Variants in ADAMTSL3 observed in about 807,000 individuals in gnomAD.
The protein encoded by ADAMTSL3 is ADAMTS-like protein 3.
In ADAMTSL3, 128 loss-of-function variants were observed where a neutral mutation model predicts 201.7. The observed-to-expected ratio is 0.63, with a 90% CI of 0.55 to 0.73. The LOEUF is 0.73. ADAMTSL3 is among the 30% of genes least tolerant of loss of function. The pLI is 0.00. For missense variants in ADAMTSL3, 1,990 were observed against 2,119.6 expected (o/e 0.94, Z 1.20); for synonymous variants, 738 against 748.4 (o/e 0.99, Z 0.23).
At chr15:83,859,993 T>A (rs72746980) in intron 8 of ADAMTSL3, among the ~76,000 whole-genome samples, 15,583 of 151,692 alleles carry the variant, frequency 0.1, 1,020 homozygotes, top group East Asian at 0.34. Flanking sequence ...GAAGACCCCA[T>A]CTCTACGAAA....
chr15:83,905,142 G>A (rs749813139), intron 15 of ADAMTSL3, among the ~76,000 whole-genome samples: 1 of 152,190 alleles, frequency 6.6e-6, no homozygotes, highest in Non-Finnish European at 1.5e-5. Flanking sequence ...TCTATGGCAC[G>A]TAAGACTAGA....
intron 17 of ADAMTSL3, among the ~76,000 whole-genome samples, chr15:83,935,243 T>TA (rs574807511): frequency 6.8e-4 from 104 of 152,170 alleles, no homozygotes; most frequent in African/African-American, 2.4e-3. Flanking sequence ...ACTTTTTAAG[T>TA]AAAAAAATAG....
chr15:83,669,305 G>A (rs1042215665), intron 2 of ADAMTSL3, among the ~76,000 whole-genome samples: 13 of 150,378 alleles, frequency 8.6e-5, no homozygotes, highest in Non-Finnish European at 1.9e-4. Flanking sequence ...ACCACCACGC[G>A]CGGCTAATTT....
chr15:83,756,135 T>C (rs1489875846), intron 3 of ADAMTSL3, among the ~76,000 whole-genome samples: 1 of 152,244 alleles, frequency 6.6e-6, no homozygotes. Context: ...TCAGACTTTT[T>C]GAGGAACTAC....
At chr15:83,728,170 C>T (rs897581408) in intron 3 of ADAMTSL3, among the ~76,000 whole-genome samples, 1 of 151,606 alleles carries the variant, frequency 6.6e-6, no homozygotes, top group African/African-American at 2.4e-5. Context: ...TGTTTACGTA[C>T]AGCTACCCCT....
At chr15:83,871,028 G>GT (rs2065070687) in intron 9 of ADAMTSL3, 69 bp downstream of exon 9, 1 of 1,552,626 alleles carries the variant, frequency 6.4e-7, no homozygotes, top group Admixed American at 1.9e-5. Context: ...AAAACAATGA[G>GT]TTTGTTTAGC....
intron 3 of ADAMTSL3, among the ~76,000 whole-genome samples, chr15:83,710,142 T>G (rs2061913471): frequency 1.3e-5 from 2 of 152,182 alleles, no homozygotes; most frequent in African/African-American, 4.8e-5. Flanking sequence ...TAATGCAAGC[T>G]CGAAGCCATT....
intron 2 of ADAMTSL3, among the ~76,000 whole-genome samples, chr15:83,688,863 T>C (rs912902280): frequency 4.6e-5 from 7 of 152,092 alleles, no homozygotes; most frequent in Admixed American, 1.3e-4. Flanking sequence ...GGCTAGAGTG[T>C]AGTGGCATGA....
rs1305026027 is a variant in ADAMTSL3 at position 83,884,338 on chromosome 15, C to CCTTTTTTTTTTTTT, written c.961-763_961-762insCTTTTTTTTTTTTT. ...TGTTACCTCATTGGTGCCCTATTTC[C>CCTTTTTTTTTTTTT]TTTTTTTTTTTTTTTTTTTTTTGAG... On this transcript the variant is annotated intron_variant, in intron 9 of 29. Transcript: ENST00000286744. Among the ~76,000 whole-genome samples, 7 of 114,486 alleles carry CCTTTTTTTTTTTTT rather than the reference C, an allele frequency of 6.1e-5. 2 individuals are homozygous for CCTTTTTTTTTTTTT. The highest frequency in any genetic ancestry group is 6.9e-5 in the African/African-American group (2 of 28,892). The allele number at this position is 114,486 out of a possible 152,430, so 75.1% of individuals were successfully genotyped here. A position where few individuals can be genotyped will look rare whatever the true frequency, so the allele number is the denominator to read the frequency against.
At chr15:83,683,689 CT>C in intron 2 of ADAMTSL3, among the ~76,000 whole-genome samples, 1 of 152,242 alleles carries the variant, frequency 6.6e-6, no homozygotes, top group South Asian at 2.1e-4. Context: ...TCCTGGCAGC[CT>C]TGTTGCATCT....
intron 26 of ADAMTSL3, among the ~76,000 whole-genome samples, chr15:84,024,267 A>G (rs2068261407): frequency 6.6e-6 from 1 of 152,146 alleles, no homozygotes; most frequent in African/African-American, 2.4e-5. Flanking sequence ...CAACAAACAA[A>G]CAAACATACA....
chr15:83,771,808 ATATAGTAATTC>A (rs2062988199), intron 3 of ADAMTSL3, among the ~76,000 whole-genome samples: 3 of 152,268 alleles, frequency 2.0e-5, no homozygotes, highest in South Asian at 4.1e-4. Context: ...TTGCTGGATC[ATATAGTAATTC>A]TATAGTAATT....
At chr15:83,891,155 T>A in intron 11 of ADAMTSL3, 174 bp from the exon 12 acceptor site, 1 of 543,532 alleles carries the variant, frequency 1.8e-6, no homozygotes, top group African/African-American at 1.9e-5. Context: ...TAGATATTCT[T>A]GACAACTAAA....
At position 84,016,455 on chromosome 15, in the gene ADAMTSL3, C is replaced by T. The variant is rs1387808233; in HGVS notation, c.4229C>T (p.Thr1410Ile). 1 of 1,614,032 alleles carries T rather than the reference C, an allele frequency of 6.2e-7. No homozygotes were observed. Among genetic ancestry groups the T allele is most frequent in the African/African-American group, 1.3e-5 (1 of 75,020 alleles). Residue 1410 changes from threonine to isoleucine, a missense_variant, in exon 25 of 30, where the codon ACT (threonine) becomes ATT (isoleucine). Transcript: ENST00000286744. ...HKKYILQATNTRTNSNDPTGE... is the reference protein window; with the variant it reads ...HKKYILQATNIRTNSNDPTGE... Reference sequence around the variant, plus strand: ...AAGTACATTCTCCAGGCAACCAACACTAGAACCAACAGCAATGACCCAACA... The same window carrying T: ...AAGTACATTCTCCAGGCAACCAACATTAGAACCAACAGCAATGACCCAACA...
intron 2 of ADAMTSL3, among the ~76,000 whole-genome samples, chr15:83,701,281 G>A (rs2061773661): frequency 6.6e-6 from 1 of 152,176 alleles, no homozygotes; most frequent in African/African-American, 2.4e-5. Flanking sequence ...AATCAAGGCA[G>A]TGATCCTGGT....
intron 3 of ADAMTSL3, among the ~76,000 whole-genome samples, chr15:83,707,135 G>C (rs2061864415): frequency 6.6e-6 from 1 of 152,170 alleles, no homozygotes; most frequent in African/African-American, 2.4e-5. Context: ...CTTTGGGTTT[G>C]AATTTGATTT....
chr15:83,808,019 G>T (rs912350338), intron 5 of ADAMTSL3, among the ~76,000 whole-genome samples: 1 of 152,142 alleles, frequency 6.6e-6, no homozygotes, highest in Admixed American at 6.5e-5. Context: ...TGTAAGACTT[G>T]AAAATAAGAA....
intron 2 of ADAMTSL3, among the ~76,000 whole-genome samples, chr15:83,695,035 G>T (rs2061660514): frequency 1.3e-5 from 2 of 151,650 alleles, no homozygotes; most frequent in Admixed American, 1.3e-4. Context: ...GTGCTATGTG[G>T]TGTATATGTA....
At chr15:84,030,840 T>C (rs947058133) in intron 27 of ADAMTSL3, among the ~76,000 whole-genome samples, 6 of 152,196 alleles carry the variant, frequency 3.9e-5, no homozygotes, top group South Asian at 4.1e-4. Flanking sequence ...AGTTGGATCA[T>C]GGCGACAGTT....
Sources: gnomAD v4.1 joint callset for allele counts (sites outside exome capture counted in the v4.1 genomes callset) on GRCh38, gnomAD v4.1.1 for gene constraint, MANE v1.5 for transcripts, NCBI Gene and HGNC (gene_info 2026-07-23, HGNC 2026-07-21) for gene names.